The following TCERG1 variants were observed in gnomAD, a reference collection of about 807,000 sequenced individuals.
TCERG1 encodes the protein transcription elongation regulator 1, also known as TATA box binding protein (TBP)-associated factor, RNA polymerase II, S, 150kD.
TCERG1 carries 37 observed loss-of-function variants against 144.7 expected under a neutral mutation model. The observed-to-expected ratio is 0.26, with a 90% confidence interval of 0.20 to 0.34. The LOEUF (loss-of-function observed/expected upper bound fraction) is 0.34, where lower values mean the gene tolerates loss of function less well. Among genes scored for constraint, TCERG1 ranks in the 10% least tolerant of loss-of-function variants. The pLI is 1.00. For missense variants in TCERG1, 1,027 were observed against 1,380.7 expected (o/e 0.74, Z 4.06); for synonymous variants, 492 against 458.2 (o/e 1.07, Z -0.94).
chr5:146,500,198 T>G (rs1433997010), intron 17 of TCERG1, among the ~76,000 whole-genome samples: 1 of 151,894 alleles, frequency 6.6e-6, no homozygotes. Flanking sequence ...AGGAAATTGC[T>G]AAAGTGAAGC....
intron 21 of TCERG1, 78 bp downstream of exon 21, chr5:146,508,034 C>G: frequency 1.1e-6 from 1 of 939,602 alleles, no homozygotes. Flanking sequence ...ACTATCTTAA[C>G]CAAAATGAAG....
At chr5:146,494,460 T>C (rs1232850253) in intron 16 of TCERG1, among the ~76,000 whole-genome samples, 1 of 152,178 alleles carries the variant, frequency 6.6e-6, no homozygotes, top group East Asian at 1.9e-4. Flanking sequence ...CATATCGTAG[T>C]ACTCTACTGG....
intron 17 of TCERG1, 165 bp from the exon 18 acceptor site, chr5:146,503,209 CT>C (rs1291825982): frequency 2.2e-5 from 12 of 551,502 alleles, no homozygotes; most frequent in Admixed American, 6.7e-5. Context: ...AAGAACACTT[CT>C]GATCTTTTAC....
In TCERG1 at chr5:146,507,642, G is replaced by A. The variant is rs1258379263; in HGVS notation, c.2962-231G>A. ...GCCCATGTAAATACAGGGTTTGCAG[G>A]TGATTGTCTTAGGCCACCTTGAAAG... On this transcript the variant is annotated intron_variant, in intron 20 of 22. Transcript: ENST00000679501. This position sits in a 1 kb window ranked among gnomAD's most constrained non-coding sequence, Gnocchi z 4.6. 7.5e-6 allele frequency: 3 copies of A among 400,752 alleles called. No homozygotes were observed. The highest frequency in any genetic ancestry group is 2.1e-5 in the African/African-American group (1 of 48,320). The allele number at this position is 400,752 out of a possible 1,614,324, so 24.8% of individuals were successfully genotyped here.
intron 2 of TCERG1, among the ~76,000 whole-genome samples, chr5:146,455,603 A>G (rs1762755417): frequency 6.6e-6 from 1 of 152,188 alleles, no homozygotes; most frequent in Non-Finnish European, 1.5e-5. Flanking sequence ...ATTTTAAGAT[A>G]TTTTTGAGTG....
chr5:146,454,365 G>C (rs933031661), intron 1 of TCERG1, among the ~76,000 whole-genome samples: 5 of 151,830 alleles, frequency 3.3e-5, no homozygotes, highest in African/African-American at 1.2e-4. Context: ...ATGATAATTA[G>C]TTTTGATCAC....
intron 22 of TCERG1, chr5:146,510,155 G>C (rs1768344924): frequency 8.2e-7 from 1 of 1,221,496 alleles, no homozygotes; most frequent in South Asian, 1.3e-5. Context: ...TTCATCCACA[G>C]AACAGGTACA....
rs1763129417 is a variant in TCERG1 at position 146,459,200 on chromosome 5, A to G, written c.755A>G (p.Gln252Arg). The part of the protein sequence containing the change: ...QVQAQVQAQV[Q>R]AQAVGASTPT... ...CAGGCCCAGGTCCAGGCACAAGTGCAAGCACAAGCAGTTGGAGCTTCCACC... is the reference window on the plus strand; with the variant it reads ...CAGGCCCAGGTCCAGGCACAAGTGCGAGCACAAGCAGTTGGAGCTTCCACC... The change falls in exon 4 of 23, where the codon CAA (glutamine) becomes CGA (arginine). Residue 252 changes from glutamine (Q) to arginine (R), a missense_variant. By Grantham distance (43) the Gln-to-Arg change is conservative (BLOSUM62 1). This residue lies in a region of TCERG1 where 187 missense variants were observed against 169.1 expected (regional missense o/e 1.11). Coordinates refer to ENST00000679501, the MANE Select transcript of TCERG1 (RefSeq NM_001382548.1). 1.2e-6 allele frequency: 2 copies of G among 1,614,240 alleles called. No homozygotes were observed. The highest frequency in any genetic ancestry group is 2.2e-5 in the South Asian group (2 of 91,090).
intron 13 of TCERG1, chr5:146,482,227 A>T (rs925706506): frequency 6.4e-6 from 1 of 155,284 alleles, no homozygotes; most frequent in African/African-American, 2.4e-5. Context: ...AACTAAAAAA[A>T]TTATATTTTG....
chr5:146,501,522 C>A (rs1185731657), intron 17 of TCERG1, among the ~76,000 whole-genome samples: 2 of 152,152 alleles, frequency 1.3e-5, no homozygotes, highest in Admixed American at 1.3e-4. Context: ...TAAGCTAATA[C>A]AAATTCCTGT....
In TCERG1 at chr5:146,503,927, CAAAAG is replaced by C. The variant is rs766257845; in HGVS notation, c.2706_2710del (p.Lys902AsnfsTer23). On this transcript the variant is annotated frameshift_variant, in exon 19 of 23. Coordinates refer to ENST00000679501, the MANE Select transcript of TCERG1 (RefSeq NM_001382548.1). LOFTEE classifies it high-confidence loss of function. ...GTTCAAAAGGCCCGTTCAGAACAAA[CAAAAG>C]AAATAGATCGAGAGAGAGAGCAGCA... 6.2e-7 allele frequency: 1 copy of C among 1,612,544 alleles called. No homozygotes were observed. The highest frequency in any genetic ancestry group is 8.5e-7 in the Non-Finnish European group (1 of 1,179,406).
chr5:146,511,725 C>T lies in TCERG1; in HGVS notation c.*1083C>T, dbSNP rs898966035. On this transcript the variant is annotated 3_prime_UTR_variant, in exon 23 of 23. Coordinates refer to ENST00000679501, the MANE Select transcript of TCERG1 (RefSeq NM_001382548.1). ...TGGTGCTCAAGTCTCTTAGCAGTGC[C>T]TTATTGCCTCATAGCAAGAAGATGC... is the stretch of plus-strand genomic sequence containing the variant. 1.3e-5 allele frequency: 2 copies of T among 152,172 alleles called. No individual in the cohort carries two copies. The highest frequency in any genetic ancestry group is 2.9e-5 in the Non-Finnish European group (2 of 68,006). 9.4% of individuals were successfully genotyped at this position (152,172 alleles called of 1,614,324 possible).
chr5:146,511,614 T>A lies in TCERG1; in HGVS notation c.*972T>A, dbSNP rs1156518299. 1 of 152,640 alleles carries A rather than the reference T, an allele frequency of 6.6e-6. No individual in the cohort carries two copies. Among genetic ancestry groups the A allele is most frequent in the South Asian group, 2.1e-4 (1 of 4,832 alleles). The allele number at this position is 152,640 out of a possible 1,614,324, so 9.5% of individuals were successfully genotyped here. On this transcript the variant is annotated 3_prime_UTR_variant, in exon 23 of 23. Coordinates refer to ENST00000679501, the MANE Select transcript of TCERG1 (RefSeq NM_001382548.1). ...CCACAAAGTAAGTTGACTCTAAATC[T>A]TAAGTATTACCTAGTTTTTAAAGGT...
chr5:146,492,184 A>G (rs1234557789), intron 15 of TCERG1, among the ~76,000 whole-genome samples: 1 of 152,138 alleles, frequency 6.6e-6, no homozygotes, highest in African/African-American at 2.4e-5. Context: ...CCTCACCTCC[A>G]TAGGTATCTG....
At chr5:146,478,998 A>G (rs1008902730) in intron 10 of TCERG1, among the ~76,000 whole-genome samples, 3 of 152,186 alleles carry the variant, frequency 2.0e-5, no homozygotes, top group Admixed American at 2.0e-4. Flanking sequence ...TGTGACTAGT[A>G]ATATATTTCT....
chr5:146,496,228 C>A (rs1247456375), intron 16 of TCERG1, among the ~76,000 whole-genome samples: 1 of 152,118 alleles, frequency 6.6e-6, no homozygotes, highest in Non-Finnish European at 1.5e-5. Flanking sequence ...CCTCATAAGC[C>A]TCATCCTTTT....
At chr5:146,509,080 G>T in intron 21 of TCERG1, 65 bp from the exon 22 acceptor site, 1 of 852,182 alleles carries the variant, frequency 1.2e-6, no homozygotes, top group Non-Finnish European at 1.8e-6. Flanking sequence ...ATAAATAATT[G>T]ATGTTTATTT....
chr5:146,484,766 C>T (rs752451085), intron 15 of TCERG1, among the ~76,000 whole-genome samples: 1 of 152,088 alleles, frequency 6.6e-6, no homozygotes, highest in African/African-American at 2.4e-5. Context: ...CCTTTACAGT[C>T]TTATCAGCAA....
Position 146,498,562 on chromosome 5 carries a change from A to T in TCERG1, c.2309A>T (p.Lys770Met). ...PRATFSEFAA[K>M]HAKDSRFKAI... ...GCAACTTTTAGTGAATTTGCAGCCA[A>T]GCATGCTAAAGATTCAAGATTCAAA... The change falls in exon 17 of 23, where the codon AAG becomes ATG. Residue 770 changes from lysine to methionine, a missense_variant. Physicochemically the swap from Lys to Met is moderately conservative, Grantham distance 95. Coordinates refer to ENST00000679501, the MANE Select transcript of TCERG1 (RefSeq NM_001382548.1). 1 of 1,607,306 alleles carries T rather than the reference A, an allele frequency of 6.2e-7. No homozygotes were observed. The highest frequency in any genetic ancestry group is 1.1e-5 in the South Asian group (1 of 89,690).
Sources: allele counts gnomAD v4.1 joint callset (sites outside exome capture counted in the v4.1 genomes callset), GRCh38; gene constraint gnomAD v4.1.1; regional missense constraint gnomAD v4.1.1; non-coding constraint Gnocchi (gnomAD v3.1); transcripts MANE v1.5; gene names NCBI Gene and HGNC (gene_info 2026-07-23, HGNC 2026-07-21).